Variants in TGFBR3 observed in about 807,000 individuals in gnomAD.
The protein encoded by TGFBR3 is transforming growth factor beta receptor 3.
A neutral mutation model predicts 87.9 loss-of-function variants in TGFBR3; 46 were observed. That is an observed-to-expected ratio of 0.52 (90% CI 0.41 to 0.67). The LOEUF (loss-of-function observed/expected upper bound fraction) is 0.67. Among genes scored for constraint, TGFBR3 ranks in the 30% least tolerant of loss-of-function variants. TGFBR3 has a pLI of 0.00. For missense variants in TGFBR3, 866 were observed against 1,041.9 expected, an observed-to-expected ratio of 0.83 and a Z score of 2.32; for synonymous variants, 381 against 391.6, an observed-to-expected ratio of 0.97 and a Z score of 0.32.
intron 13 of TGFBR3, 125 bp downstream of exon 13, chr1:91,712,118 C>G (rs1294891875): frequency 1.2e-6 from 1 of 832,048 alleles, no homozygotes; most frequent in Non-Finnish European, 2.0e-6. Context: ...CTAATAGTGA[C>G]TTTAATATTT....
chr1:91,750,912 A>G (rs1673517822), intron 4 of TGFBR3, among the ~76,000 whole-genome samples: 1 of 152,160 alleles, frequency 6.6e-6, no homozygotes, highest in Admixed American at 6.5e-5. Flanking sequence ...TACTATTCTC[A>G]TCTTCTCCAA....
intron 4 of TGFBR3, among the ~76,000 whole-genome samples, chr1:91,736,012 G>C (rs1571457030): frequency 6.6e-6 from 1 of 152,172 alleles, no homozygotes; most frequent in East Asian, 1.9e-4. Context: ...TTTTATTAGT[G>C]GTTCTATCAC....
intron 1 of TGFBR3, among the ~76,000 whole-genome samples, chr1:91,881,970 C>T (rs574878929): frequency 9.2e-5 from 14 of 151,536 alleles, no homozygotes; most frequent in Admixed American, 3.3e-4. Flanking sequence ...ACCTGGGAGG[C>T]GGAGGTTGCA....
intron 2 of TGFBR3, among the ~76,000 whole-genome samples, chr1:91,819,719 G>A (rs1483307958): frequency 6.6e-6 from 1 of 152,136 alleles, no homozygotes; most frequent in Non-Finnish European, 1.5e-5. Context: ...CCAGTGACAG[G>A]TTCAGAGGCT....
chr1:91,877,806 G>A (rs1678861243), intron 1 of TGFBR3, among the ~76,000 whole-genome samples: 1 of 152,048 alleles, frequency 6.6e-6, no homozygotes, highest in South Asian at 2.1e-4. Context: ...ATGGGCTGTT[G>A]GCATAAGTAT....
At chr1:91,777,946 T>A (rs977296568) in intron 3 of TGFBR3, among the ~76,000 whole-genome samples, 1 of 152,158 alleles carries the variant, frequency 6.6e-6, no homozygotes, top group African/African-American at 2.4e-5. Context: ...AAATAATTAG[T>A]TCTTCTAATC....
At chr1:91,886,297 T>TCCTCCCGCCTCCCG (rs778643634), upstream of TGFBR3, 4 of 394,360 alleles carry the variant, frequency 1.0e-5, no homozygotes, top group Admixed American at 1.1e-4. Context: ...CAGAAACTCC[T>TCCTCCCGCCTCCCG]CCTCCCGCCT....
In TGFBR3 at chr1:91,730,095, T is replaced by C. The variant is rs11466584; in HGVS notation, c.569-122A>G. 8.4e-3 allele frequency: 9,418 copies of C among 1,120,500 alleles called. 471 individuals are homozygous for C. The African/African-American group carries it at 0.12, about 14-fold the overall frequency. The allele number at this position is 1,120,500 out of a possible 1,614,324, so 69.4% of individuals were successfully genotyped here. Reference sequence around the variant, plus strand: ...CACAGGGAACCACGAGCTCAAAGGATGGTTCTTCGTCTGTGAAGTCCGCAA... The same window carrying C: ...CACAGGGAACCACGAGCTCAAAGGACGGTTCTTCGTCTGTGAAGTCCGCAA... On this transcript the variant is annotated intron_variant, in intron 5 of 16. Coordinates refer to ENST00000212355, the MANE Select transcript of TGFBR3 (RefSeq NM_003243.5).
At chr1:91,880,811 C>T (rs899079436) in intron 1 of TGFBR3, among the ~76,000 whole-genome samples, 11 of 150,638 alleles carry the variant, frequency 7.3e-5, no homozygotes, top group Admixed American at 2.7e-4. Context: ...CCCAGGAGTT[C>T]GAGACCAGCC....
chr1:91,701,878 G>A (rs985892256), intron 14 of TGFBR3, among the ~76,000 whole-genome samples: 2 of 152,132 alleles, frequency 1.3e-5, no homozygotes, highest in African/African-American at 4.8e-5. Flanking sequence ...CTAACTTAAC[G>A]TCACTGTAAC....
In TGFBR3 at chr1:91,722,555, C is replaced by A. The variant is rs548559625; in HGVS notation, c.886-411G>T. 4.6e-5 allele frequency among the ~76,000 whole-genome samples: 7 copies of A among 152,192 alleles called. No homozygotes were observed. In the South Asian group the frequency reaches 1.5e-3, roughly 32 times the overall value. The stretch of plus-strand genomic sequence containing the variant: ...ATACAAACAGACATGTTATATTGCC[C>A]TCAAATTCCCATGCTTCCACTTCCT... On this transcript the variant is annotated intron_variant, in intron 7 of 16. Transcript: ENST00000212355.
intron 3 of TGFBR3, among the ~76,000 whole-genome samples, chr1:91,785,434 T>C (rs933859121): frequency 1.3e-5 from 2 of 152,262 alleles, no homozygotes; most frequent in African/African-American, 4.8e-5. Flanking sequence ...TGCACATTTC[T>C]ATAAATATAC....
chr1:91,680,838 T>C lies in TGFBR3; in HGVS notation c.*2901A>G. 1 of 450,698 alleles carries C rather than the reference T, an allele frequency of 2.2e-6. No individual in the cohort carries two copies. The highest frequency in any genetic ancestry group is 2.0e-5 in the African/African-American group (1 of 49,888). 27.9% of individuals were successfully genotyped at this position (450,698 alleles called of 1,614,324 possible). On this transcript the variant is annotated 3_prime_UTR_variant, in exon 17 of 17. Transcript: ENST00000212355. Reference sequence around the variant, plus strand: ...ACACAAGCAGGAAATGGATTTACAATCTTATTACAAGGCAAAGAAAAAAAC... The same window carrying C: ...ACACAAGCAGGAAATGGATTTACAACCTTATTACAAGGCAAAGAAAAAAAC...
At chr1:91,861,076 A>G (rs1678169354) in intron 2 of TGFBR3, among the ~76,000 whole-genome samples, 1 of 152,112 alleles carries the variant, frequency 6.6e-6, no homozygotes, top group Non-Finnish European at 1.5e-5. Context: ...AAGGACAAAA[A>G]TGCTTTCTTG....
At chr1:91,803,592 A>G (rs904959371) in intron 2 of TGFBR3, among the ~76,000 whole-genome samples, 1 of 151,868 alleles carries the variant, frequency 6.6e-6, no homozygotes, top group Admixed American at 6.6e-5. Flanking sequence ...ATATAAGCCA[A>G]TGTTATTTTG....
intron 3 of TGFBR3, 28 bp downstream of exon 3, chr1:91,797,259 T>G (rs1444023737): frequency 6.2e-7 from 1 of 1,612,284 alleles, no homozygotes; most frequent in Non-Finnish European, 8.5e-7. Flanking sequence ...TCAGTGGCAG[T>G]GGGCTGAGAG....
chr1:91,766,942 A>G (rs1336733964), intron 3 of TGFBR3, among the ~76,000 whole-genome samples: 1 of 133,088 alleles, frequency 7.5e-6, no homozygotes, highest in Non-Finnish European at 1.6e-5. Flanking sequence ...CGACCCATCA[A>G]CAATCTCCAT....
rs150161120 is a variant in TGFBR3 at position 91,871,388 on chromosome 1, G to A, written c.-113-9744C>T. 6.8e-4 allele frequency among the ~76,000 whole-genome samples: 104 copies of A among 152,228 alleles called. 1 individual carries two copies. The highest frequency in any genetic ancestry group is 1.2e-3 in the Non-Finnish European group (81 of 68,020). On this transcript the variant is annotated intron_variant, in intron 1 of 16. Transcript: ENST00000212355. ...ATTCACTCAACAAACATTTATTAGCGCCTACCCTGTCCTGGGCACTGTTCA... is the reference window on the plus strand; with the variant it reads ...ATTCACTCAACAAACATTTATTAGCACCTACCCTGTCCTGGGCACTGTTCA...
intron 1 of TGFBR3, among the ~76,000 whole-genome samples, chr1:91,867,125 T>G (rs940917391): frequency 1.3e-5 from 2 of 152,236 alleles, no homozygotes; most frequent in Non-Finnish European, 2.9e-5. Context: ...AGATTGTGCA[T>G]GTATAGTATT....
Sources: allele counts gnomAD v4.1 joint callset (sites outside exome capture counted in the v4.1 genomes callset), GRCh38; gene constraint gnomAD v4.1.1; transcripts MANE v1.5; gene names NCBI Gene and HGNC (gene_info 2026-07-23, HGNC 2026-07-21).